CHRDL1: variants seen among roughly 807,000 people sequenced by gnomAD.
CHRDL1 encodes the protein chordin like 1.
In CHRDL1, 19 loss-of-function variants were observed where a neutral mutation model predicts 40.9. The observed-to-expected ratio is 0.46, with a 90% CI of 0.32 to 0.68. The LOEUF is 0.68. Ranked by LOEUF, CHRDL1 falls within the 30% of genes least tolerant of loss-of-function variation. The probability of loss-of-function intolerance (pLI) is 0.03; values close to 1 mark genes in which losing one functional copy is unlikely to be tolerated. For synonymous variants in CHRDL1, 136 were observed against 123.4 expected (o/e 1.10, Z -0.68); for missense variants, 329 against 352.1 (o/e 0.93, Z 0.53).
intron 4 of CHRDL1, among the ~76,000 whole-genome samples, chrX:110,745,155 T>C (rs2148491371): frequency 8.9e-6 from 1 of 111,800 alleles, no homozygotes; most frequent in Admixed American, 9.5e-5. Context: ...ACTCTCCCTT[T>C]GACATCCAGA....
Position 110,720,037 on chromosome X carries a change from C to G in CHRDL1, c.448-109G>C, listed in dbSNP as rs2070919829. 7 of 430,902 alleles carry G rather than the reference C, an allele frequency of 1.6e-5. No individual in the cohort carries two copies. The East Asian group carries it at 2.4e-4, about 15-fold the overall frequency. The allele number at this position is 430,902 out of a possible 1,213,427, so 35.5% of individuals were successfully genotyped here. Reference sequence around the variant, plus strand: ...CTCAAAACACGGCATGTCCTTCCCCCCAGCTCTCCCATCGTCAGTTCTCGG... The same window carrying G: ...CTCAAAACACGGCATGTCCTTCCCCGCAGCTCTCCCATCGTCAGTTCTCGG... On this transcript the variant is annotated intron_variant, in intron 5 of 11. Coordinates refer to ENST00000372042, the MANE Select transcript of CHRDL1 (RefSeq NM_001143981.2).
intron 5 of CHRDL1, among the ~76,000 whole-genome samples, chrX:110,720,362 T>C (rs1423737256): frequency 9.0e-6 from 1 of 111,696 alleles, no homozygotes; most frequent in Non-Finnish European, 1.9e-5. Flanking sequence ...AGGAACAAGC[T>C]CTCTGGGGTA....
chrX:110,773,298 A>T (rs1174682597), intron 2 of CHRDL1, among the ~76,000 whole-genome samples: 1 of 112,109 alleles, frequency 8.9e-6, no homozygotes. Context: ...TTAGCTCAAA[A>T]TATTTTAAAA....
intron 7 of CHRDL1, among the ~76,000 whole-genome samples, chrX:110,696,555 A>C (rs1489152561): frequency 9.0e-6 from 1 of 111,074 alleles, no homozygotes; most frequent in Non-Finnish European, 1.9e-5. Context: ...AGAAAGTGGA[A>C]GAAAGAATGT....
chrX:110,770,812 C>T (rs939727063), intron 2 of CHRDL1, among the ~76,000 whole-genome samples: 2 of 111,629 alleles, frequency 1.8e-5, no homozygotes, highest in Non-Finnish European at 3.8e-5. Flanking sequence ...TGGATTAATT[C>T]TTTGAAAGAC....
intron 2 of CHRDL1, among the ~76,000 whole-genome samples, chrX:110,767,264 CCT>C: frequency 9.0e-6 from 1 of 111,026 alleles, no homozygotes; most frequent in Non-Finnish European, 1.9e-5. Context: ...GAAAGCATTC[CCT>C]CTGAGAACTG....
intron 1 of CHRDL1, chrX:110,795,538 C>T (rs1251195220): frequency 9.0e-6 from 1 of 111,252 alleles, no homozygotes; most frequent in East Asian, 2.9e-4. Context: ...TTCAGAGACC[C>T]CCAACTTGCT....
intron 9 of CHRDL1, among the ~76,000 whole-genome samples, chrX:110,685,569 T>C (rs773655021): frequency 8.9e-6 from 1 of 112,308 alleles, no homozygotes; most frequent in East Asian, 2.8e-4. Context: ...GGTCAACGCT[T>C]TCTTTTTTAA....
intron 6 of CHRDL1, among the ~76,000 whole-genome samples, chrX:110,710,895 T>C (rs1037114017): frequency 1.8e-5 from 2 of 111,334 alleles, no homozygotes; most frequent in Admixed American, 9.6e-5. Context: ...TATCAGAGTA[T>C]ATCAATACAC....
At chrX:110,689,825 C>CTA (rs1352807170) in intron 8 of CHRDL1, among the ~76,000 whole-genome samples, 2 of 50,293 alleles carry the variant, frequency 4.0e-5, no homozygotes, top group Admixed American at 2.8e-4. Flanking sequence ...ATCTATATAT[C>CTA]TATATATCTA....
At chrX:110,689,102 A>C (rs1456906530) in intron 8 of CHRDL1, among the ~76,000 whole-genome samples, 9 of 88,864 alleles carry the variant, frequency 1.0e-4, no homozygotes, top group Non-Finnish European at 1.3e-4. Flanking sequence ...ATATATATAT[A>C]TATATATATA....
At chrX:110,748,752 C>T (rs191000302) in intron 4 of CHRDL1, among the ~76,000 whole-genome samples, 1 of 112,243 alleles carries the variant, frequency 8.9e-6, no homozygotes, top group Non-Finnish European at 1.9e-5. Context: ...ATAAATACGG[C>T]ATAATGCCAT....
At chrX:110,748,110 A>G (rs924086001) in intron 4 of CHRDL1, among the ~76,000 whole-genome samples, 1 of 111,746 alleles carries the variant, frequency 8.9e-6, no homozygotes. Flanking sequence ...TCTAAGACCC[A>G]TTTATGTTTC....
Position 110,675,181 on chromosome X carries a change from C to T in CHRDL1, c.*1050G>A, listed in dbSNP as rs2069748406. ...CCTTTTAAAGAGCTTCTAGAATTTACTAATTTAATATAATTTTTCTGACCA... is the reference window on the plus strand; with the variant it reads ...CCTTTTAAAGAGCTTCTAGAATTTATTAATTTAATATAATTTTTCTGACCA... On this transcript the variant is annotated 3_prime_UTR_variant, in exon 12 of 12. Transcript: ENST00000372042. 1 of 111,764 alleles carries T rather than the reference C, an allele frequency of 8.9e-6. No homozygotes were observed. Among genetic ancestry groups the T allele is most frequent in the Non-Finnish European group, 1.9e-5 (1 of 53,134 alleles). 9.2% of individuals were successfully genotyped at this position (111,764 alleles called of 1,213,427 possible).
intron 4 of CHRDL1, among the ~76,000 whole-genome samples, chrX:110,728,551 T>G (rs1390030576): frequency 8.9e-6 from 1 of 111,742 alleles, no homozygotes; most frequent in Non-Finnish European, 1.9e-5. Flanking sequence ...ATTCCAATAA[T>G]GGGTTCTCTC....
intron 2 of CHRDL1, among the ~76,000 whole-genome samples, chrX:110,770,623 A>G (rs2089739269): frequency 9.0e-6 from 1 of 111,639 alleles, no homozygotes; most frequent in African/African-American, 3.3e-5. Context: ...TAAAATTGAT[A>G]AACCCCTATA....
chrX:110,709,718 G>A (rs750578065), intron 6 of CHRDL1, among the ~76,000 whole-genome samples: 2 of 112,169 alleles, frequency 1.8e-5, no homozygotes, highest in Non-Finnish European at 3.8e-5. Flanking sequence ...AAAAATCCAA[G>A]TGCCCACTGA....
intron 4 of CHRDL1, among the ~76,000 whole-genome samples, chrX:110,736,226 C>A (rs1467283867): frequency 8.9e-6 from 1 of 112,087 alleles, no homozygotes; most frequent in East Asian, 2.8e-4. Flanking sequence ...CTAGGAAATT[C>A]TTTAAGAACC....
chrX:110,759,787 T>A, intron 3 of CHRDL1, 33 bp from the exon 4 acceptor site: 1 of 1,068,797 alleles, frequency 9.4e-7, no homozygotes, highest in Non-Finnish European at 1.3e-6. Flanking sequence ...AAAAAATAAA[T>A]GTCTTTCAAA....
Sources: allele counts gnomAD v4.1 joint callset (sites outside exome capture counted in the v4.1 genomes callset), GRCh38; gene constraint gnomAD v4.1.1; transcripts MANE v1.5; gene names NCBI Gene and HGNC (gene_info 2026-07-23, HGNC 2026-07-21).